The following DENND4A variants were observed in gnomAD, a reference collection of about 807,000 sequenced individuals.
DENND4A encodes DENN domain containing 4A, also known as C-myc promoter-binding protein.
In DENND4A, 70 loss-of-function variants were observed where a neutral mutation model predicts 199.3. The observed-to-expected ratio is 0.35, with a 90% CI of 0.29 to 0.43. The LOEUF (loss-of-function observed/expected upper bound fraction) is 0.43, where lower values mean the gene tolerates loss of function less well. DENND4A is among the 20% of genes least tolerant of loss of function. The pLI, the probability that DENND4A is intolerant of heterozygous loss-of-function variation, is 1.00. For synonymous variants in DENND4A, 686 were observed against 766.9 expected (o/e 0.89, Z 1.74); for missense variants, 1,723 against 2,255.8 (o/e 0.76, Z 4.78).
At chr15:65,767,334 G>C (rs1415522024) in intron 1 of DENND4A, 1 of 152,184 alleles carries the variant, frequency 6.6e-6, no homozygotes, top group African/African-American at 2.4e-5. Flanking sequence ...CTTTCCACAA[G>C]ATTGTAAGTT....
At chr15:65,669,280 G>A (rs2076144781) in intron 27 of DENND4A, among the ~76,000 whole-genome samples, 1 of 152,116 alleles carries the variant, frequency 6.6e-6, no homozygotes. Context: ...TCCGCACAAT[G>A]GAATTGATTT....
At chr15:65,714,425 A>C (rs7495979) in intron 14 of DENND4A, among the ~76,000 whole-genome samples, 2 of 34,724 alleles carry the variant, frequency 5.8e-5, no homozygotes. Flanking sequence ...AAAAAAAAAC[A>C]AAAAAAAAAC....
At chr15:65,669,668 G>C in intron 27 of DENND4A, 111 bp downstream of exon 27, 1 of 859,736 alleles carries the variant, frequency 1.2e-6, no homozygotes, top group Non-Finnish European at 1.8e-6. Context: ...TTATGAATCT[G>C]TTATTCATAG....
At chr15:65,777,699 A>G (rs969402001) in intron 1 of DENND4A, among the ~76,000 whole-genome samples, 1 of 152,116 alleles carries the variant, frequency 6.6e-6, no homozygotes, top group African/African-American at 2.4e-5. Flanking sequence ...GAAAAGCAAA[A>G]TATCAGTTAA....
At chr15:65,735,108 C>A (rs1046713698) in intron 7 of DENND4A, among the ~76,000 whole-genome samples, 14 of 150,820 alleles carry the variant, frequency 9.3e-5, no homozygotes, top group Admixed American at 9.3e-4. Context: ...CAAGGCGCGG[C>A]GGCTCACACC....
In DENND4A at chr15:65,659,322, G is replaced by GTTT. The variant is rs869058369; in HGVS notation, c.*2526_*2528dup. The GTTT allele has an allele frequency of 7.5e-4, 54 of 71,576 alleles. 5 individuals are homozygous for GTTT. The highest frequency in any genetic ancestry group is 2.2e-3 in the African/African-American group (28 of 12,920). 4.4% of individuals were successfully genotyped at this position (71,576 alleles called of 1,614,324 possible). A position where few individuals can be genotyped will look rare whatever the true frequency, so the allele number is the denominator to read the frequency against. On this transcript the variant is annotated 3_prime_UTR_variant, in exon 33 of 33. Transcript: ENST00000443035. ...TATTTTAAATGATTGATATTTTCTGGTTTTTTTTTTTTTTTTTTTTTTTTT... is the reference window on the plus strand; with the variant it reads ...TATTTTAAATGATTGATATTTTCTGGTTTTTTTTTTTTTTTTTTTTTTTTTTTT...
chr15:65,771,941 T>G (rs1203165196), intron 1 of DENND4A: 3 of 1,599,118 alleles, frequency 1.9e-6, no homozygotes, highest in Non-Finnish European at 2.6e-6. Flanking sequence ...TAAGCTTTTT[T>G]CAAATCTTCA....
At chr15:65,748,822 C>G (rs1042745795) in intron 4 of DENND4A, among the ~76,000 whole-genome samples, 1 of 151,178 alleles carries the variant, frequency 6.6e-6, no homozygotes, top group Admixed American at 6.6e-5. Context: ...CTCAATTCTA[C>G]AAAAAAGTTA....
chr15:65,785,473 G>A (rs1228304504), intron 1 of DENND4A, among the ~76,000 whole-genome samples: 2 of 143,456 alleles, frequency 1.4e-5, no homozygotes, highest in African/African-American at 2.6e-5. Flanking sequence ...CTGGGTGACA[G>A]AGCAACATCC....
chr15:65,783,793 T>C (rs559277847), intron 1 of DENND4A, among the ~76,000 whole-genome samples: 2 of 152,088 alleles, frequency 1.3e-5, no homozygotes, highest in Non-Finnish European at 2.9e-5. Context: ...TATGAGTCCA[T>C]ACATATATAA....
At chr15:65,785,553 T>C (rs2077546145) in intron 1 of DENND4A, among the ~76,000 whole-genome samples, 1 of 151,764 alleles carries the variant, frequency 6.6e-6, no homozygotes, top group Admixed American at 6.6e-5. Context: ...GTACGAGACA[T>C]TTTTATTTTT....
At chr15:65,762,802 C>T (rs895290197) in intron 1 of DENND4A, among the ~76,000 whole-genome samples, 8 of 151,348 alleles carry the variant, frequency 5.3e-5, no homozygotes, top group Non-Finnish European at 1.0e-4. Context: ...CACCATTTTA[C>T]GTAAGGGGCT....
At chr15:65,744,960 T>C (rs2076351434) in intron 4 of DENND4A, among the ~76,000 whole-genome samples, 1 of 152,218 alleles carries the variant, frequency 6.6e-6, no homozygotes, top group Admixed American at 6.5e-5. Flanking sequence ...ACAAGTTACA[T>C]AAGTATTTTC....
chr15:65,670,395 G>A (rs1415057677), intron 25 of DENND4A, among the ~76,000 whole-genome samples: 1 of 152,144 alleles, frequency 6.6e-6, no homozygotes. Context: ...AGGGAAACTT[G>A]CTTTTAAGTG....
At chr15:65,699,041 G>T (rs1197038336) in intron 20 of DENND4A, among the ~76,000 whole-genome samples, 1 of 152,016 alleles carries the variant, frequency 6.6e-6, no homozygotes, top group Non-Finnish European at 1.5e-5. Context: ...CCAGGCCTAA[G>T]ATAGCCTTTT....
At chr15:65,705,071 T>A (rs1369959594) in intron 15 of DENND4A, among the ~76,000 whole-genome samples, 2 of 151,576 alleles carry the variant, frequency 1.3e-5, no homozygotes, top group African/African-American at 2.4e-5. Context: ...AAGAGAGAAA[T>A]TAAGAGAAAT....
At chr15:65,722,449 A>T (rs2075676532) in intron 12 of DENND4A, among the ~76,000 whole-genome samples, 1 of 152,134 alleles carries the variant, frequency 6.6e-6, no homozygotes, top group Admixed American at 6.6e-5. Flanking sequence ...CCTGGGTGAC[A>T]AAGCAAGACC....
In DENND4A at chr15:65,749,196, G is replaced by C. The variant is rs1301759316; in HGVS notation, c.561+3183C>G. ...TATGCGCTTTGATCCAGAAATTCCA[G>C]GACGAACCATAAGGAAATAATTAAT... On this transcript the variant is annotated intron_variant, in intron 4 of 32. Coordinates refer to ENST00000443035, the MANE Select transcript of DENND4A (RefSeq NM_001320835.1). Among the ~76,000 whole-genome samples the C allele has an allele frequency of 5.3e-5, 8 of 151,976 alleles. No homozygotes were observed. In the East Asian group the frequency reaches 1.5e-3, roughly 29 times the overall value.
At chr15:65,788,784 G>A (rs2077635423) in intron 1 of DENND4A, among the ~76,000 whole-genome samples, 1 of 150,028 alleles carries the variant, frequency 6.7e-6, no homozygotes, top group African/African-American at 2.5e-5. Context: ...GAGCCCAGGA[G>A]GTGGAGGTTG....
Sources: gnomAD v4.1 joint callset for allele counts (sites outside exome capture counted in the v4.1 genomes callset) on GRCh38, gnomAD v4.1.1 for gene constraint, MANE v1.5 for transcripts, NCBI Gene and HGNC (gene_info 2026-07-23, HGNC 2026-07-21) for gene names.